DGKB: variants seen among roughly 807,000 people sequenced by gnomAD.
DGKB encodes diacylglycerol kinase beta.
In DGKB, 67 loss-of-function variants were observed where a neutral mutation model predicts 114.3. The observed-to-expected ratio is 0.59, with a 90% CI of 0.48 to 0.72. The LOEUF (loss-of-function observed/expected upper bound fraction) is 0.72. DGKB is among the 30% of genes least tolerant of loss of function. The pLI is 0.00. For synonymous variants in DGKB, 398 were observed against 323.1 expected (o/e 1.23, Z -2.49); for missense variants, 907 against 975.2 (o/e 0.93, Z 0.93).
chr7:14,922,634 G>A (rs1015800776), intron 1 of DGKB, among the ~76,000 whole-genome samples: 17 of 152,046 alleles, frequency 1.1e-4, no homozygotes, highest in African/African-American at 3.9e-4. Context: ...GTGTAGCCAA[G>A]AACATCCTAA....
rs144841487 is a variant in DGKB at position 14,790,810 on chromosome 7, C to T, written c.71-33079G>A. 8.6e-3 allele frequency among the ~76,000 whole-genome samples: 1,311 copies of T among 152,094 alleles called. 14 individuals are homozygous for T. Among genetic ancestry groups the T allele is most frequent in the African/African-American group, 0.028 (1,177 of 41,510 alleles). On this transcript the variant is annotated intron_variant, in intron 2 of 25. Transcript: ENST00000402815. ...CTAGTTCTTTTGCCTTTTTAGCATA[C>T]GCTTTAAATAAACTTGTCTATATCT...
At chr7:14,831,263 G>C (rs943915938) in intron 2 of DGKB, among the ~76,000 whole-genome samples, 8 of 151,928 alleles carry the variant, frequency 5.3e-5, no homozygotes, top group African/African-American at 1.9e-4. Flanking sequence ...TATGTATTTT[G>C]ATTACCTTCT....
intron 21 of DGKB, among the ~76,000 whole-genome samples, chr7:14,364,199 T>C (rs1816252327): frequency 1.3e-5 from 2 of 152,076 alleles, no homozygotes; most frequent in South Asian, 4.1e-4. Flanking sequence ...TGCATAGTTC[T>C]GTTAAAAACA....
At chr7:14,313,097 A>C (rs1431143153) in intron 23 of DGKB, among the ~76,000 whole-genome samples, 2 of 152,232 alleles carry the variant, frequency 1.3e-5, no homozygotes, top group Non-Finnish European at 2.9e-5. Flanking sequence ...TTCACATTGC[A>C]AGTAACCTTT....
At chr7:14,587,259 G>C (rs901084196) in intron 17 of DGKB, among the ~76,000 whole-genome samples, 3 of 152,078 alleles carry the variant, frequency 2.0e-5, no homozygotes, top group Non-Finnish European at 4.4e-5. Context: ...GGAGGAAGTC[G>C]CTGCAGATGT....
At chr7:14,529,662 T>C (rs1245515252) in intron 20 of DGKB, among the ~76,000 whole-genome samples, 1 of 151,770 alleles carries the variant, frequency 6.6e-6, no homozygotes, top group East Asian at 1.9e-4. Context: ...ATGATAATGC[T>C]CTCAAAACTA....
chr7:14,936,670 C>A (rs1004768941), intron 1 of DGKB, among the ~76,000 whole-genome samples: 4 of 152,162 alleles, frequency 2.6e-5, no homozygotes, highest in Non-Finnish European at 4.4e-5. Flanking sequence ...TTTGCGGGCT[C>A]GGCATCCTCC....
chr7:14,336,654 A>G (rs1448706025), intron 23 of DGKB, among the ~76,000 whole-genome samples: 1 of 152,162 alleles, frequency 6.6e-6, no homozygotes, highest in Non-Finnish European at 1.5e-5. Context: ...AGTTACAGGC[A>G]CTGACAGCCT....
intron 21 of DGKB, among the ~76,000 whole-genome samples, chr7:14,470,604 G>T (rs1781138094): frequency 6.6e-6 from 1 of 151,734 alleles, no homozygotes; most frequent in Admixed American, 6.6e-5. Context: ...TCCTACAAAT[G>T]TGATTCTACA....
At chr7:14,618,389 C>T (rs151036286) in intron 15 of DGKB, among the ~76,000 whole-genome samples, 1 of 151,544 alleles carries the variant, frequency 6.6e-6, no homozygotes, top group Non-Finnish European at 1.5e-5. Flanking sequence ...GTGTTACAAA[C>T]TAGATTCGTT....
intron 14 of DGKB, among the ~76,000 whole-genome samples, chr7:14,622,602 C>G (rs917862791): frequency 6.6e-6 from 1 of 152,112 alleles, no homozygotes; most frequent in Non-Finnish European, 1.5e-5. Context: ...AAATCTCAAA[C>G]TGGATGACAA....
At chr7:14,427,149 A>T (rs1167290865) in intron 21 of DGKB, among the ~76,000 whole-genome samples, 1 of 152,070 alleles carries the variant, frequency 6.6e-6, no homozygotes, top group African/African-American at 2.4e-5. Flanking sequence ...ATGGGGCTTA[A>T]TACCTAGGTA....
intron 23 of DGKB, among the ~76,000 whole-genome samples, chr7:14,234,296 A>G (rs1334547486): frequency 1.3e-5 from 2 of 152,216 alleles, no homozygotes; most frequent in East Asian, 1.9e-4. Context: ...CAGATTTAAA[A>G]GAAAAAAAAA....
At chr7:14,534,605 G>GACAC (rs1481212377) in intron 20 of DGKB, among the ~76,000 whole-genome samples, 1 of 151,912 alleles carries the variant, frequency 6.6e-6, no homozygotes, top group East Asian at 1.9e-4. Flanking sequence ...TAGATTTGAA[G>GACAC]ACACACATAG....
chr7:14,918,366 C>T (rs1784341727), intron 1 of DGKB, among the ~76,000 whole-genome samples: 1 of 152,012 alleles, frequency 6.6e-6, no homozygotes, highest in Non-Finnish European at 1.5e-5. Context: ...ATGAAACAAA[C>T]AAAGGAAAAG....
intron 2 of DGKB, among the ~76,000 whole-genome samples, chr7:14,834,547 C>T (rs1562665031): frequency 6.6e-6 from 1 of 152,118 alleles, no homozygotes; most frequent in Non-Finnish European, 1.5e-5. Context: ...CTCTCTCTCT[C>T]TTTCTCTCTC....
At chr7:14,375,220 CA>C (rs1818293164) in intron 21 of DGKB, among the ~76,000 whole-genome samples, 1 of 152,190 alleles carries the variant, frequency 6.6e-6, no homozygotes, top group South Asian at 2.1e-4. Flanking sequence ...GCTGAGGAAA[CA>C]CCCAGACCTC....
intron 5 of DGKB, among the ~76,000 whole-genome samples, chr7:14,719,042 G>T (rs996655702): frequency 2.6e-5 from 4 of 152,046 alleles, no homozygotes; most frequent in African/African-American, 9.7e-5. Flanking sequence ...CATTTGGGAA[G>T]ATATTTAAAA....
intron 13 of DGKB, among the ~76,000 whole-genome samples, chr7:14,647,863 G>C (rs1017870997): frequency 2.0e-5 from 3 of 152,202 alleles, no homozygotes; most frequent in Admixed American, 2.0e-4. Flanking sequence ...TTCCCTTTCT[G>C]AGTCAAAGAA....
Sources: gnomAD v4.1 joint callset for allele counts (sites outside exome capture counted in the v4.1 genomes callset) on GRCh38, gnomAD v4.1.1 for gene constraint, MANE v1.5 for transcripts, NCBI Gene and HGNC (gene_info 2026-07-23, HGNC 2026-07-21) for gene names.